TYW3: variants seen among roughly 807,000 people sequenced by gnomAD.
The protein encoded by TYW3 is tRNA-yW synthesizing protein 3 homolog, also known as tRNA wybutosine-synthesizing protein 3 homolog.
In TYW3, 26 loss-of-function variants were observed where a neutral mutation model predicts 23.1. The observed-to-expected ratio is 1.13, with a 90% CI of 0.83 to 1.56. The LOEUF (loss-of-function observed/expected upper bound fraction) is 1.56, where lower values mean the gene tolerates loss of function less well. Ranked by LOEUF, TYW3 falls within the 40% of genes most tolerant of loss-of-function variation. TYW3 has a pLI of 0.00. For synonymous variants in TYW3, 102 were observed against 105.7 expected (o/e 0.97, Z 0.21); for missense variants, 316 against 311.9 (o/e 1.01, Z -0.10).
Position 74,752,359 on chromosome 1 carries a change from A to T in TYW3, c.494A>T (p.Glu165Val). The change falls in exon 5 of 6, where the codon GAA (glutamate) becomes GTA (valine). Residue 165 changes from glutamate (E) to valine (V), a missense_variant. Coordinates refer to ENST00000370867, the MANE Select transcript of TYW3 (RefSeq NM_138467.3). Reference protein sequence around the residue: ...SHKGKLMVTEEYIDFLLNVAN... With the variant: ...SHKGKLMVTEVYIDFLLNVAN... ...AAGGGAAAACTGATGGTGACAGAGG[A>T]ATATATTGACTTCCTGTTAAATGTG... The T allele has an allele frequency of 6.2e-7, 1 of 1,613,692 alleles. No homozygotes were observed. Among genetic ancestry groups the T allele is most frequent in the Non-Finnish European group, 8.5e-7 (1 of 1,179,776 alleles).
In TYW3 at chr1:74,752,309, T is replaced by C. The variant is rs766177618; in HGVS notation, c.444T>C (p.His148=). The stretch of plus-strand genomic sequence containing the variant: ...CCTTGTAGGCTGTCCGGAGTACACA[T>C]GGCTTAGAAGTTCCATTAAGCCATA... ...GKTMLAVRST[H]GLEVPLSHKG... Residue 148 remains histidine (H), a synonymous_variant, in exon 5 of 6, where the codon CAT becomes CAC. Coordinates refer to ENST00000370867, the MANE Select transcript of TYW3 (RefSeq NM_138467.3). 5 of 1,611,092 alleles carry C rather than the reference T, an allele frequency of 3.1e-6. No individual in the cohort carries two copies. Among genetic ancestry groups the C allele is most frequent in the Non-Finnish European group, 4.2e-6 (5 of 1,178,482 alleles).
chr1:74,736,410 T>G, intron 1 of TYW3, 132 bp from the exon 2 acceptor site: 1 of 566,702 alleles, frequency 1.8e-6, no homozygotes, highest in Non-Finnish European at 2.8e-6. Flanking sequence ...ACATACCGAA[T>G]TGTTTTTATT....
chr1:74,749,301 T>C (rs767188449), intron 4 of TYW3, among the ~76,000 whole-genome samples: 2 of 152,232 alleles, frequency 1.3e-5, no homozygotes, highest in African/African-American at 2.4e-5. Context: ...ATTTGATTAC[T>C]TATTGTCTGA....
At chr1:74,761,555 T>G (rs1255164396) in intron 5 of TYW3, 6 of 152,058 alleles carry the variant, frequency 3.9e-5, no homozygotes, top group African/African-American at 1.4e-4. Context: ...GAAGATGAGG[T>G]TGTATAACAG....
chr1:74,752,730 C>T (rs547615409), intron 5 of TYW3, among the ~76,000 whole-genome samples: 2 of 152,124 alleles, frequency 1.3e-5, no homozygotes, highest in Non-Finnish European at 2.9e-5. Flanking sequence ...CCAGCAGCCA[C>T]AGGAACTGTA....
chr1:74,740,628 T>A (rs183978764), intron 3 of TYW3, among the ~76,000 whole-genome samples: 5 of 152,340 alleles, frequency 3.3e-5, no homozygotes, highest in African/African-American at 1.2e-4. Context: ...TTTTACAGAG[T>A]GCTGATTGGT....
intron 3 of TYW3, among the ~76,000 whole-genome samples, chr1:74,740,108 T>G (rs1049695818): frequency 6.6e-6 from 1 of 152,230 alleles, no homozygotes; most frequent in Non-Finnish European, 1.5e-5. Flanking sequence ...ACCCTCGCAG[T>G]GAGTGTGACA....
chr1:74,756,677 C>T (rs748926722), intron 5 of TYW3, among the ~76,000 whole-genome samples: 7 of 152,284 alleles, frequency 4.6e-5, no homozygotes, highest in Non-Finnish European at 1.0e-4. Flanking sequence ...AAGAAAATTC[C>T]ATTTTCTGAG....
rs529772107 is a variant in TYW3, at chr1:74,765,897, T to C, written c.*1784T>C. ...TATAGTATAGTATAATCTGTTTATATAAGGTTAGTAGAGAGGAGACACCAG... is the reference window on the plus strand; with the variant it reads ...TATAGTATAGTATAATCTGTTTATACAAGGTTAGTAGAGAGGAGACACCAG... On this transcript the variant is annotated 3_prime_UTR_variant, in exon 6 of 6. Transcript: ENST00000370867. 13 of 152,282 alleles carry C rather than the reference T, an allele frequency of 8.5e-5. No homozygotes were observed. Among genetic ancestry groups the C allele is most frequent in the African/African-American group, 3.1e-4 (13 of 41,568 alleles). The allele number at this position is 152,282 out of a possible 1,614,324, so 9.4% of individuals were successfully genotyped here. A position where few individuals can be genotyped will look rare whatever the true frequency, so the allele number is the denominator to read the frequency against.
chr1:74,738,958 G>A, intron 3 of TYW3, among the ~76,000 whole-genome samples, 170 bp downstream of exon 3: 1 of 152,214 alleles, frequency 6.6e-6, no homozygotes. Flanking sequence ...GAAAAAAAGA[G>A]TAGCTAATCA....
intron 3 of TYW3, among the ~76,000 whole-genome samples, chr1:74,743,700 C>A (rs61790734): frequency 0.014 from 2,096 of 152,258 alleles, 20 homozygotes; most frequent in Non-Finnish European, 0.022. Context: ...GGGAGCCATA[C>A]TGGGGATGGC....
intron 5 of TYW3, among the ~76,000 whole-genome samples, chr1:74,756,410 G>A (rs1223106546): frequency 2.0e-5 from 3 of 152,154 alleles, no homozygotes. Context: ...AGTCTCAGAT[G>A]GAGATGAGGA....
chr1:74,744,221 T>G (rs1241896342), intron 3 of TYW3, among the ~76,000 whole-genome samples: 1 of 152,144 alleles, frequency 6.6e-6, no homozygotes, highest in Non-Finnish European at 1.5e-5. Flanking sequence ...TAGTTGTGTA[T>G]TCTCCTTCAA....
In TYW3 at chr1:74,737,719, G is replaced by A. The variant is rs913461509; in HGVS notation, c.256-971G>A. ...CGCCGCAGGATACACTGTAACATGG[G>A]TGCAGCCAAGGTTAAAAGGCAGGCA... On this transcript the variant is annotated intron_variant, in intron 2 of 5. Transcript: ENST00000370867. Among the ~76,000 whole-genome samples the A allele has an allele frequency of 2.6e-5, 4 of 152,328 alleles. No individual in the cohort carries two copies. The South Asian group carries it at 8.3e-4, about 32-fold the overall frequency.
intron 3 of TYW3, among the ~76,000 whole-genome samples, chr1:74,740,282 TG>T (rs969955493): frequency 6.6e-6 from 1 of 152,208 alleles, no homozygotes. Flanking sequence ...CAGAGTTGTT[TG>T]TTCCTCCCAG....
rs144555114 is a variant in TYW3 at position 74,763,242 on chromosome 1, T to C, written c.561-652T>C. On this transcript the variant is annotated intron_variant, in intron 5 of 5. Coordinates refer to ENST00000370867, the MANE Select transcript of TYW3 (RefSeq NM_138467.3). ...CCTTTTAACGATGTAATGATATTTC[T>C]AGGTGTCTATATAAAGAAATGGCTA... 3.4e-3 allele frequency among the ~76,000 whole-genome samples: 514 copies of C among 152,240 alleles called. 6 individuals are homozygous for C. The highest frequency in any genetic ancestry group is 0.012 in the African/African-American group (489 of 41,558).
At chr1:74,739,280 G>C (rs893835657) in intron 3 of TYW3, among the ~76,000 whole-genome samples, 3 of 151,940 alleles carry the variant, frequency 2.0e-5, no homozygotes, top group African/African-American at 7.3e-5. Flanking sequence ...AAGTACTAGG[G>C]GCACAGTGAT....
At chr1:74,763,005 A>G (rs1203130809) in intron 5 of TYW3, among the ~76,000 whole-genome samples, 1 of 152,218 alleles carries the variant, frequency 6.6e-6, no homozygotes, top group African/African-American at 2.4e-5. Context: ...AATAGCTAAT[A>G]AATGAGAAAC....
rs1649221518 is a variant in TYW3 at position 74,764,118 on chromosome 1, T to G, written c.*5T>G. On this transcript the variant is annotated 3_prime_UTR_variant, in exon 6 of 6. Coordinates refer to ENST00000370867, the MANE Select transcript of TYW3 (RefSeq NM_138467.3). ...ATCTTCCCTGAAGATTACTAAGCTT[T>G]GGTTCTGATGTGTCTTGGCCGTAAT... 6.2e-7 allele frequency: 1 copy of G among 1,603,298 alleles called. No homozygotes were observed. The highest frequency in any genetic ancestry group is 1.3e-5 in the African/African-American group (1 of 74,106).
Sources: gnomAD v4.1 joint callset for allele counts (sites outside exome capture counted in the v4.1 genomes callset) on GRCh38, gnomAD v4.1.1 for gene constraint, MANE v1.5 for transcripts, NCBI Gene and HGNC (gene_info 2026-07-23, HGNC 2026-07-21) for gene names.